Variants in DMD observed in about 807,000 individuals in gnomAD.
DMD encodes dystrophin.
A neutral mutation model predicts 330.1 loss-of-function variants in DMD; 63 were observed. That is an observed-to-expected ratio of 0.19 (90% CI 0.16 to 0.24). The LOEUF is 0.24. DMD is among the 10% of genes least tolerant of loss of function. The pLI is 1.00. For missense variants in DMD, 3,344 were observed against 2,684.1 expected (o/e 1.25, Z -5.43); for synonymous variants, 1,223 against 959.8 (o/e 1.27, Z -5.07).
chrX:32,998,300 T>C (rs887103981), intron 2 of DMD, among the ~76,000 whole-genome samples: 2 of 100,283 alleles, frequency 2.0e-5, no homozygotes, highest in Admixed American at 1.2e-4. Context: ...ACCCGGGAGG[T>C]TGAAGCTATA....
At chrX:32,178,940 TTCTCTCTCTCTCTCTCTCTC>T (rs528690053) in intron 44 of DMD, among the ~76,000 whole-genome samples, 3 of 68,616 alleles carry the variant, frequency 4.4e-5, no homozygotes, top group South Asian at 9.7e-4. Context: ...AAACCCCAGA[TTCTCTCTCTCTCTCTCTCTC>T]TCTCTCTCTC....
At position 32,843,096 on chromosome X, in the gene DMD, C is replaced by T. The variant is rs183882834; in HGVS notation, c.264+1687G>A. ...GTGCTGGGATTACAGGCATGAGCAC[C>T]GCGCCCGACCTGTACCGCATTTTCT... On this transcript the variant is annotated intron_variant, in intron 4 of 78. Coordinates refer to ENST00000357033, the MANE Select transcript of DMD (RefSeq NM_004006.3). Among the ~76,000 whole-genome samples, 22 of 112,127 alleles carry T rather than the reference C, an allele frequency of 2.0e-4. No homozygotes were observed. In the East Asian group the frequency reaches 2.0e-3, roughly 10 times the overall value.
At chrX:31,395,417 T>C (rs1486656211) in intron 60 of DMD, among the ~76,000 whole-genome samples, 1 of 112,200 alleles carries the variant, frequency 8.9e-6, no homozygotes, top group Non-Finnish European at 1.9e-5. Flanking sequence ...TGACTTGAAT[T>C]AGCCAGAGTT....
chrX:31,940,562 C>T (rs1293110560), intron 45 of DMD, among the ~76,000 whole-genome samples: 4 of 111,589 alleles, frequency 3.6e-5, no homozygotes, highest in Non-Finnish European at 7.5e-5. Context: ...GCCACAAAAG[C>T]GAAGTGCCCT....
chrX:31,848,548 T>A (rs1021341427), intron 48 of DMD, among the ~76,000 whole-genome samples: 4 of 111,466 alleles, frequency 3.6e-5, no homozygotes, highest in African/African-American at 1.3e-4. Flanking sequence ...CCATGCCTTA[T>A]TCTTAATGTC....
chrX:32,616,048 G>A (rs1020610892), intron 11 of DMD, among the ~76,000 whole-genome samples: 2 of 110,894 alleles, frequency 1.8e-5, no homozygotes, highest in African/African-American at 6.6e-5. Context: ...TTTGTAGTAT[G>A]CCTCTCAGTG....
At position 31,929,729 on chromosome X, in the gene DMD, A is replaced by C. The variant is rs2149990187; in HGVS notation, c.6779T>G (p.Leu2260Trp). ...LEQVKLLVEE[L>W]PLRQGILKQL... ...TTTGAGAATTCCCTGGCGCAGGGGC[A>C]ACTCTTCCACCAGTAACTGAAACAG... Residue 2260 changes from leucine (L) to tryptophan (W), a missense_variant, in exon 47 of 79, where the codon TTG becomes TGG. Coordinates refer to ENST00000357033, the MANE Select transcript of DMD (RefSeq NM_004006.3). The C allele has an allele frequency of 2.5e-6, 3 of 1,211,539 alleles. No individual in the cohort carries two copies. The highest frequency in any genetic ancestry group is 3.4e-6 in the Non-Finnish European group (3 of 895,442).
At chrX:32,227,264 CAT>C (rs57305198) in intron 43 of DMD, among the ~76,000 whole-genome samples, 528 of 35,689 alleles carry the variant, frequency 0.015, 2 homozygotes, top group East Asian at 0.049. Flanking sequence ...TAAGTCTAAG[CAT>C]ATATATATAT....
chrX:31,819,475 T>G (rs199883404), intron 50 of DMD, among the ~76,000 whole-genome samples: 1 of 112,070 alleles, frequency 8.9e-6, no homozygotes, highest in Admixed American at 9.4e-5. Flanking sequence ...GCTAGGAATA[T>G]TGGTTGTTAA....
intron 43 of DMD, among the ~76,000 whole-genome samples, chrX:32,252,889 AATAT>A (rs1193793253): frequency 1.3e-5 from 1 of 79,237 alleles, no homozygotes; most frequent in Non-Finnish European, 2.2e-5. Flanking sequence ...AATATATATA[AATAT>A]ATATAAATAT....
chrX:32,904,890 G>C (rs1690843339), intron 2 of DMD, among the ~76,000 whole-genome samples: 1 of 111,932 alleles, frequency 8.9e-6, no homozygotes, highest in Admixed American at 9.4e-5. Flanking sequence ...ATGTTTTAAT[G>C]GTGTATGATT....
chrX:32,927,875 C>T (rs2089212892), intron 2 of DMD, among the ~76,000 whole-genome samples: 1 of 110,793 alleles, frequency 9.0e-6, no homozygotes, highest in Admixed American at 9.7e-5. Context: ...TTTCCCTAAC[C>T]GCTTGTAAAA....
chrX:31,405,700 A>G (rs1197446887), intron 60 of DMD, among the ~76,000 whole-genome samples: 2 of 111,921 alleles, frequency 1.8e-5, no homozygotes, highest in African/African-American at 6.5e-5. Context: ...ATCAGCAATA[A>G]TAGATGTAAA....
intron 1 of DMD, among the ~76,000 whole-genome samples, chrX:33,232,347 T>TTC (rs1302776837): frequency 2.7e-5 from 3 of 112,075 alleles, no homozygotes; most frequent in African/African-American, 9.7e-5. Context: ...TTGTTCAATA[T>TTC]AATAACAGCA....
chrX:31,999,585 T>G (rs1273252692), intron 44 of DMD, among the ~76,000 whole-genome samples: 1 of 111,845 alleles, frequency 8.9e-6, no homozygotes, highest in Non-Finnish European at 1.9e-5. Context: ...TGTTGTTGAC[T>G]CTACCTTTCT....
At chrX:31,172,280 C>G in intron 73 of DMD, 68 bp downstream of exon 73, 1 of 759,300 alleles carries the variant, frequency 1.3e-6, no homozygotes, top group Non-Finnish European at 2.0e-6. Context: ...CTGTGCTATC[C>G]TACCTCTAAA....
At chrX:31,627,975 G>A (rs770451580) in intron 54 of DMD, 113 bp from the exon 55 acceptor site, 16 of 698,083 alleles carry the variant, frequency 2.3e-5, no homozygotes, top group Middle Eastern at 3.5e-4. Context: ...CCAACAATGG[G>A]GTGAGTTGTT....
chrX:32,441,493 A>G (rs2098281387), intron 27 of DMD, among the ~76,000 whole-genome samples, 179 bp from the exon 28 acceptor site: 1 of 111,926 alleles, frequency 8.9e-6, no homozygotes, highest in East Asian at 2.8e-4. Flanking sequence ...TCTACAATCA[A>G]AAGTCATTAA....
intron 43 of DMD, among the ~76,000 whole-genome samples, chrX:32,271,656 A>AAACC (rs1292632710): frequency 8.9e-6 from 1 of 112,713 alleles, no homozygotes; most frequent in African/African-American, 3.2e-5. Context: ...GCAAGCAAGC[A>AAACC]AACCTTTCAC....
Sources: allele counts gnomAD v4.1 joint callset (sites outside exome capture counted in the v4.1 genomes callset), GRCh38; gene constraint gnomAD v4.1.1; transcripts MANE v1.5; gene names NCBI Gene and HGNC (gene_info 2026-07-23, HGNC 2026-07-21).